Variants in NFIB observed in about 807,000 individuals in gnomAD.
NFIB encodes nuclear factor 1 B-type.
In NFIB, 11 loss-of-function variants were observed where a neutral mutation model predicts 61.5. The observed-to-expected ratio is 0.18, with a 90% CI of 0.11 to 0.30. The LOEUF is 0.30. Among genes scored for constraint, NFIB ranks in the 10% least tolerant of loss-of-function variants. NFIB has a pLI of 1.00. For missense variants in NFIB, 471 were observed against 608.9 expected (o/e 0.77, Z 2.38); for synonymous variants, 260 against 216.5 (o/e 1.20, Z -1.76).
the NFIB span, among the ~76,000 whole-genome samples, chr9:14,497,590 AGGCAC>A: frequency 6.6e-6 from 1 of 152,228 alleles, no homozygotes; most frequent in Non-Finnish European, 1.5e-5. Flanking sequence ...ATAGCAAATG[AGGCAC>A]TTTACAAATT....
At chr9:14,419,074 G>A in the NFIB span, among the ~76,000 whole-genome samples, 3 of 151,572 alleles carry the variant, frequency 2.0e-5, no homozygotes, top group African/African-American at 7.3e-5. Flanking sequence ...ACCAAACAAA[G>A]AGGCTGGCTT....
chr9:14,398,660 T>G (rs1186166569), exon 1 of NFIB: 1 of 1,459,662 alleles, frequency 6.9e-7, no homozygotes, highest in South Asian at 1.3e-5. Context: ...ACAAGAAGCC[T>G]GTAGGCTCTG....
At chr9:14,396,469 G>T (rs147326847) in intron 1 of NFIB, among the ~76,000 whole-genome samples, 1 of 152,048 alleles carries the variant, frequency 6.6e-6, no homozygotes. Context: ...GAACAGTGGG[G>T]CCCAAATTCA....
chr9:14,223,600 G>C (rs1029857017), intron 2 of NFIB, among the ~76,000 whole-genome samples: 7 of 152,014 alleles, frequency 4.6e-5, no homozygotes, highest in Non-Finnish European at 7.4e-5. Flanking sequence ...AATTCAATAG[G>C]AGATCAATCA....
At chr9:14,320,671 G>T (rs1007921929) in intron 1 of NFIB, among the ~76,000 whole-genome samples, 7 of 152,102 alleles carry the variant, frequency 4.6e-5, no homozygotes, top group Admixed American at 6.6e-5. Flanking sequence ...ATTAAATCTT[G>T]AACTCCTCAG....
At chr9:14,404,784 G>A in the NFIB span, among the ~76,000 whole-genome samples, 6 of 152,270 alleles carry the variant, frequency 3.9e-5, no homozygotes, top group Non-Finnish European at 7.4e-5. Context: ...TGTGACAGTA[G>A]CAGCAAGATT....
chr9:14,261,845 G>A (rs1370857820), intron 2 of NFIB, among the ~76,000 whole-genome samples: 3 of 152,140 alleles, frequency 2.0e-5, no homozygotes, highest in Non-Finnish European at 4.4e-5. Context: ...ATGGAAATTC[G>A]GGGAAGGAAC....
At chr9:14,453,117 T>A in the NFIB span, among the ~76,000 whole-genome samples, 2 of 152,228 alleles carry the variant, frequency 1.3e-5, no homozygotes. Context: ...CTCAGAATCT[T>A]GTTCAGGGTA....
At chr9:14,495,310 C>T in the NFIB span, among the ~76,000 whole-genome samples, 1 of 152,006 alleles carries the variant, frequency 6.6e-6, no homozygotes, top group Non-Finnish European at 1.5e-5. Context: ...AGGCTGAGGT[C>T]GAGGTAAAGG....
chr9:14,273,370 C>T (rs2057766365), intron 2 of NFIB, among the ~76,000 whole-genome samples: 2 of 152,170 alleles, frequency 1.3e-5, no homozygotes, highest in South Asian at 4.1e-4. Flanking sequence ...TAATGCCTCC[C>T]TTCTCAAAAT....
the NFIB span, among the ~76,000 whole-genome samples, chr9:14,419,190 G>GA: frequency 2.7e-5 from 4 of 149,116 alleles, no homozygotes; most frequent in African/African-American, 7.5e-5. Context: ...AATTGCTATG[G>GA]AAAAAATCCT....
intron 2 of NFIB, among the ~76,000 whole-genome samples, chr9:14,267,537 T>C (rs563555171): frequency 6.6e-6 from 1 of 152,316 alleles, no homozygotes; most frequent in African/African-American, 2.4e-5. Context: ...CAGAAAGACT[T>C]TCCCAAAAGA....
At chr9:14,252,522 C>T (rs185968506) in intron 2 of NFIB, among the ~76,000 whole-genome samples, 1 of 151,892 alleles carries the variant, frequency 6.6e-6, no homozygotes, top group East Asian at 1.9e-4. Flanking sequence ...GATTTTTAAA[C>T]ATTTGTATTT....
chr9:14,194,742 A>T (rs942295111), intron 2 of NFIB, among the ~76,000 whole-genome samples: 1 of 152,158 alleles, frequency 6.6e-6, no homozygotes, highest in Non-Finnish European at 1.5e-5. Context: ...GCTGAGAAAT[A>T]GGTTGAAACA....
intron 1 of NFIB, among the ~76,000 whole-genome samples, chr9:14,338,581 T>C (rs904132799): frequency 3.5e-4 from 53 of 152,164 alleles, no homozygotes; most frequent in African/African-American, 1.3e-3. Context: ...TAATGAATAC[T>C]GGAGAGAGTC....
At chr9:14,414,022 TCTA>T in the NFIB span, among the ~76,000 whole-genome samples, 1 of 152,204 alleles carries the variant, frequency 6.6e-6, no homozygotes, top group East Asian at 1.9e-4. Context: ...TTCACTTATG[TCTA>T]CTCAGCACTT....
intron 1 of NFIB, among the ~76,000 whole-genome samples, chr9:14,334,574 C>A (rs1171114314): frequency 6.6e-6 from 1 of 152,248 alleles, no homozygotes; most frequent in African/African-American, 2.4e-5. Flanking sequence ...GTATACTCTA[C>A]ACGTGAGTCC....
the NFIB span, among the ~76,000 whole-genome samples, chr9:14,433,712 T>C: frequency 2.7e-4 from 41 of 152,360 alleles, 1 homozygote; most frequent in African/African-American, 9.9e-4. Context: ...TCCAGTTTTA[T>C]CATATTACCC....
At chr9:14,204,549 A>T (rs2049416139) in intron 2 of NFIB, 3 of 1,362,916 alleles carry the variant, frequency 2.2e-6, no homozygotes, top group Non-Finnish European at 3.1e-6. Context: ...CTGCCCCACA[A>T]GTACAGACCA....
Sources: allele counts gnomAD v4.1 joint callset (sites outside exome capture counted in the v4.1 genomes callset), GRCh38; gene constraint gnomAD v4.1.1; transcripts MANE v1.5; gene names NCBI Gene and HGNC (gene_info 2026-07-23, HGNC 2026-07-21).